Variants in FILIP1 observed in about 807,000 individuals in gnomAD.
FILIP1 encodes the protein filamin A interacting protein 1, also known as filamin-A-interacting protein 1.
In FILIP1, 61 loss-of-function variants were observed where a neutral mutation model predicts 102.1. That is an observed-to-expected ratio of 0.60 (90% confidence interval 0.49 to 0.74). The LOEUF (loss-of-function observed/expected upper bound fraction) is 0.74, where lower values mean the gene tolerates loss of function less well. Ranked by LOEUF, FILIP1 falls within the 30% of genes least tolerant of loss-of-function variation. The pLI is 0.00. For missense variants in FILIP1, 1,314 were observed against 1,441.2 expected (o/e 0.91, Z 1.43); for synonymous variants, 491 against 526.9 (o/e 0.93, Z 0.93).
At chr6:75,304,815 A>G (rs1361310683), downstream of FILIP1, among the ~76,000 whole-genome samples, 2 of 152,222 alleles carry the variant, frequency 1.3e-5, no homozygotes, top group African/African-American at 4.8e-5. Flanking sequence ...CTGTGGGCTC[A>G]GGGAAGTGGT....
At chr6:75,373,239 A>G (rs563865656) in intron 2 of FILIP1, among the ~76,000 whole-genome samples, 1 of 152,342 alleles carries the variant, frequency 6.6e-6, no homozygotes, top group Admixed American at 6.5e-5. Context: ...CAAATCATAG[A>G]GACAGAAAGT....
In FILIP1 at chr6:75,341,008, G is replaced by A. The variant is rs115812963; in HGVS notation, c.629+12531C>T. Among the ~76,000 whole-genome samples, 866 of 151,204 alleles carry A rather than the reference G, an allele frequency of 5.7e-3. 6 individuals are homozygous for A. Among genetic ancestry groups the A allele is most frequent in the African/African-American group, 0.02 (816 of 41,200 alleles). On this transcript the variant is annotated intron_variant, in intron 4 of 5. Transcript: ENST00000237172. ...CATGAGCCACCGTGCCTGCCCGTCC[G>A]CTTGTGTATTTTTCATATGAACTTT...
intron 1 of FILIP1, among the ~76,000 whole-genome samples, chr6:75,451,936 G>A (rs894461771): frequency 2.6e-5 from 4 of 152,148 alleles, no homozygotes; most frequent in Admixed American, 6.5e-5. Flanking sequence ...ATTAATGTGA[G>A]GTAGCCTGTA....
At chr6:75,358,156 G>A (rs909422868) in intron 3 of FILIP1, 1 of 152,210 alleles carries the variant, frequency 6.6e-6, no homozygotes, top group Non-Finnish European at 1.5e-5. Flanking sequence ...ACAATAACTT[G>A]AGGAGAAATT....
intron 3 of FILIP1, among the ~76,000 whole-genome samples, chr6:75,354,300 T>C (rs1170862376): frequency 1.3e-5 from 2 of 152,104 alleles, no homozygotes; most frequent in African/African-American, 4.8e-5. Context: ...TAGCTGGGCG[T>C]GGTGGCTCAC....
chr6:75,433,090 G>A (rs1157313999), intron 1 of FILIP1, among the ~76,000 whole-genome samples: 1 of 152,112 alleles, frequency 6.6e-6, no homozygotes. Flanking sequence ...ATGGACATTT[G>A]GGTTGGTTCC....
intron 4 of FILIP1, among the ~76,000 whole-genome samples, chr6:75,321,145 C>T (rs1773638746): frequency 1.3e-5 from 2 of 152,172 alleles, no homozygotes; most frequent in South Asian, 4.1e-4. Context: ...TGACCTCAAG[C>T]AATCCTCCCA....
At chr6:75,359,269 G>A (rs1775102467) in intron 3 of FILIP1, among the ~76,000 whole-genome samples, 1 of 152,076 alleles carries the variant, frequency 6.6e-6, no homozygotes, top group African/African-American at 2.4e-5. Flanking sequence ...GCCTCCCAAA[G>A]TGCTGGGATT....
chr6:75,479,260 A>G (rs1779579080), intron 1 of FILIP1, among the ~76,000 whole-genome samples: 1 of 152,124 alleles, frequency 6.6e-6, no homozygotes, highest in Non-Finnish European at 1.5e-5. Context: ...ATGTGTTTAG[A>G]TTTTTTTATT....
In FILIP1 at chr6:75,429,699, C is replaced by T. The variant is rs79421971; in HGVS notation, c.-6-14721G>A. On this transcript the variant is annotated intron_variant, in intron 1 of 5. Transcript: ENST00000237172. ...TGTTTGGAAGGCCTAAGGAACATGC[C>T]CTGGGGACCACCTCTTAAATTAACC... Among the ~76,000 whole-genome samples the T allele has an allele frequency of 8.8e-3, 1,341 of 152,156 alleles. 48 individuals carry two copies. The East Asian group carries it at 0.12, about 14-fold the overall frequency.
At chr6:75,402,991 A>G in intron 2 of FILIP1, among the ~76,000 whole-genome samples, 1 of 152,212 alleles carries the variant, frequency 6.6e-6, no homozygotes, top group Non-Finnish European at 1.5e-5. Flanking sequence ...TTTTCTAGAT[A>G]TAATGAGGCA....
chr6:75,404,286 T>C (rs976057881), intron 2 of FILIP1, among the ~76,000 whole-genome samples: 3 of 152,102 alleles, frequency 2.0e-5, no homozygotes, highest in African/African-American at 7.2e-5. Flanking sequence ...AAACCCTAAA[T>C]GCAAATAGCT....
chr6:75,348,937 T>C (rs755361113), intron 4 of FILIP1, among the ~76,000 whole-genome samples: 3 of 150,746 alleles, frequency 2.0e-5, no homozygotes, highest in Non-Finnish European at 4.4e-5. Flanking sequence ...TTTTGTGTCA[T>C]AGTTTGGATA....
chr6:75,414,993 T>C lies in FILIP1; in HGVS notation c.-6-15A>G. 1.9e-6 allele frequency: 3 copies of C among 1,592,528 alleles called. No homozygotes were observed. The highest frequency in any genetic ancestry group is 2.6e-6 in the Non-Finnish European group (3 of 1,171,072). The stretch of plus-strand genomic sequence containing the variant: ...CTCATTCCCACCTACAACACATACA[T>C]AAAAAAAGATAAGATGTTCTTTACC... On this transcript the variant is annotated splice_polypyrimidine_tract_variant and intron_variant, in intron 1 of 5. Transcript: ENST00000237172.
At chr6:75,400,506 T>C (rs144469606) in intron 2 of FILIP1, among the ~76,000 whole-genome samples, 3 of 152,208 alleles carry the variant, frequency 2.0e-5, no homozygotes, top group Non-Finnish European at 4.4e-5. Flanking sequence ...CTGAATAGAA[T>C]GGAGGGAGGA....
At chr6:75,468,520 G>A (rs996941112) in intron 1 of FILIP1, among the ~76,000 whole-genome samples, 1 of 152,100 alleles carries the variant, frequency 6.6e-6, no homozygotes, top group Non-Finnish European at 1.5e-5. Flanking sequence ...AATGAGAATG[G>A]ACACAAAGAA....
chr6:75,431,812 CAA>C (rs746010577), intron 1 of FILIP1, among the ~76,000 whole-genome samples: 7 of 152,128 alleles, frequency 4.6e-5, no homozygotes, highest in Non-Finnish European at 7.3e-5. Flanking sequence ...GGAATATACA[CAA>C]AGACTAGTGG....
At chr6:75,343,233 T>C (rs1040419776) in intron 4 of FILIP1, among the ~76,000 whole-genome samples, 1 of 152,210 alleles carries the variant, frequency 6.6e-6, no homozygotes, top group Non-Finnish European at 1.5e-5. Flanking sequence ...AACCCAACAA[T>C]TCTGGCATCC....
intron 1 of FILIP1, among the ~76,000 whole-genome samples, chr6:75,472,341 T>G (rs1032636794): frequency 6.6e-6 from 1 of 152,124 alleles, no homozygotes; most frequent in Non-Finnish European, 1.5e-5. Context: ...ATTCTGGAAA[T>G]AAGAGTTACC....
Sources: gnomAD v4.1 joint callset for allele counts (sites outside exome capture counted in the v4.1 genomes callset) on GRCh38, gnomAD v4.1.1 for gene constraint, MANE v1.5 for transcripts, NCBI Gene and HGNC (gene_info 2026-07-23, HGNC 2026-07-21) for gene names.